The following TENM4 variants were observed in gnomAD, a reference collection of about 807,000 sequenced individuals.
TENM4 encodes teneurin transmembrane protein 4.
A neutral mutation model predicts 243.3 loss-of-function variants in TENM4; 82 were observed. The observed-to-expected ratio is 0.34, with a 90% CI of 0.28 to 0.40. The LOEUF (loss-of-function observed/expected upper bound fraction) is 0.40. Among genes scored for constraint, TENM4 ranks in the 10% least tolerant of loss-of-function variants. The pLI is 1.00. For synonymous variants in TENM4, 1,412 were observed against 1,456.3 expected (o/e 0.97, Z 0.69); for missense variants, 3,138 against 3,673.3 (o/e 0.85, Z 3.77).
chr11:79,309,171 A>G (rs1590869095), intron 1 of TENM4, among the ~76,000 whole-genome samples: 1 of 152,226 alleles, frequency 6.6e-6, no homozygotes, highest in Non-Finnish European at 1.5e-5. Context: ...GTGGAAGTCC[A>G]CATGTTTGGT....
intron 12 of TENM4, among the ~76,000 whole-genome samples, chr11:78,826,076 CTTTTTTTTTTTTTTT>C (rs59565048): frequency 5.2e-5 from 6 of 115,404 alleles, no homozygotes; most frequent in African/African-American, 7.6e-5. Flanking sequence ...AATCCCCCTC[CTTTTTTTTTTTTTTT>C]TTTTTTTTTT....
chr11:78,826,247 C>G (rs150194048), intron 12 of TENM4, among the ~76,000 whole-genome samples: 1,607 of 152,126 alleles, frequency 0.011, 18 homozygotes, highest in African/African-American at 0.034. Flanking sequence ...GCCACCACGC[C>G]TGGCTAATTT....
At chr11:79,057,370 T>C (rs1859969833) in intron 6 of TENM4, among the ~76,000 whole-genome samples, 1 of 152,018 alleles carries the variant, frequency 6.6e-6, no homozygotes, top group Non-Finnish European at 1.5e-5. Flanking sequence ...CTTAAGGCCC[T>C]AGCACCTGCC....
At chr11:79,355,080 A>C (rs1193722861) in intron 1 of TENM4, among the ~76,000 whole-genome samples, 1 of 152,212 alleles carries the variant, frequency 6.6e-6, no homozygotes, top group Non-Finnish European at 1.5e-5. Flanking sequence ...AACCTTTTTA[A>C]CTTTTAGAAT....
At chr11:79,032,751 T>C (rs951779314) in intron 6 of TENM4, among the ~76,000 whole-genome samples, 3 of 152,234 alleles carry the variant, frequency 2.0e-5, no homozygotes, top group South Asian at 2.1e-4. Context: ...AAGAACAACA[T>C]GACTTTAAAA....
At chr11:78,936,370 G>C (rs1439168131) in intron 6 of TENM4, among the ~76,000 whole-genome samples, 1 of 152,150 alleles carries the variant, frequency 6.6e-6, no homozygotes, top group Non-Finnish European at 1.5e-5. Context: ...TGTTTTTATT[G>C]AAAGAAAGGC....
intron 1 of TENM4, among the ~76,000 whole-genome samples, chr11:79,300,049 C>T (rs1856525838): frequency 6.6e-6 from 1 of 152,210 alleles, no homozygotes; most frequent in South Asian, 2.1e-4. Flanking sequence ...GCTTCTCCCA[C>T]CAACCTGAGT....
intron 6 of TENM4, among the ~76,000 whole-genome samples, chr11:78,974,858 T>C (rs1330978214): frequency 6.6e-6 from 1 of 151,900 alleles, no homozygotes; most frequent in East Asian, 2.0e-4. Context: ...CTAATTTTTA[T>C]ATTTTTAGTA....
At chr11:79,386,074 C>T (rs539921668) in intron 1 of TENM4, among the ~76,000 whole-genome samples, 29 of 152,196 alleles carry the variant, frequency 1.9e-4, no homozygotes, top group Non-Finnish European at 3.7e-4. Flanking sequence ...ATAGCCCTGG[C>T]CTGAAACTTT....
chr11:78,658,775 C>G lies in TENM4; in HGVS notation c.7593G>C (p.Lys2531Asn). 1.9e-6 allele frequency: 3 copies of G among 1,613,888 alleles called. No homozygotes were observed. The highest frequency in any genetic ancestry group is 1.7e-6 in the Non-Finnish European group (2 of 1,179,862). ...CAAACCGTTCTAAGGTGACAAAGGC[C>G]TTGAGCTGCTTCTGTACTTCACACT... ...GVQCEVQKQLKAFVTLERFDQ... is the reference protein window; with the variant it reads ...GVQCEVQKQLNAFVTLERFDQ... The change falls in exon 34 of 34, where the codon AAG becomes AAC. Residue 2531 changes from lysine to asparagine, a missense_variant. Lys to Asn is a moderately conservative substitution (Grantham distance 94). Transcript: ENST00000278550.
rs928920799 is a variant in TENM4, at chr11:79,064,885, C to A, written c.346G>T (p.Asp116Tyr). The A allele has an allele frequency of 1.9e-6, 3 of 1,550,100 alleles. No homozygotes were observed. Among genetic ancestry groups the A allele is most frequent in the Middle Eastern group, 3.3e-4 (2 of 5,982 alleles). Reference sequence around the variant, plus strand: ...GACAGCACCGTGTCAGCCTCCATGTCGGCATCAGAGCCAGCCCCCATGGAG... The same window carrying A: ...GACAGCACCGTGTCAGCCTCCATGTAGGCATCAGAGCCAGCCCCCATGGAG... ...GYSMGAGSDA[D>Y]MEADTVLSPE... The change falls in exon 6 of 34, where the codon GAC (aspartate) becomes TAC (tyrosine). Residue 116 changes from aspartate (D) to tyrosine (Y), a missense_variant. Physicochemically the swap from Asp to Tyr is radical, Grantham distance 160. This residue lies in a region of TENM4 where 671 missense variants were observed against 614.1 expected (regional missense o/e 1.09). Coordinates refer to ENST00000278550, the MANE Select transcript of TENM4 (RefSeq NM_001098816.3).
intron 12 of TENM4, among the ~76,000 whole-genome samples, chr11:78,833,233 T>C (rs992415483): frequency 1.3e-5 from 2 of 152,216 alleles, no homozygotes; most frequent in African/African-American, 4.8e-5. Flanking sequence ...TTCACCCACA[T>C]ACCTGAGTGC....
intron 4 of TENM4, among the ~76,000 whole-genome samples, chr11:79,099,322 C>A (rs1861164648): frequency 6.6e-6 from 1 of 152,140 alleles, no homozygotes; most frequent in South Asian, 2.1e-4. Flanking sequence ...ATATAGTCTT[C>A]TGTGGAACAT....
chr11:78,688,118 G>C lies in TENM4; in HGVS notation c.5196C>G (p.Ser1732Arg). 1.2e-6 allele frequency: 2 copies of C among 1,613,954 alleles called. No homozygotes were observed. Among genetic ancestry groups the C allele is most frequent in the Non-Finnish European group, 1.7e-6 (2 of 1,179,882 alleles). Residue 1732 changes from serine (S) to arginine (R), a missense_variant, in exon 29 of 34, where the codon AGC (serine) becomes AGG (arginine). By Grantham distance (110) the Ser-to-Arg change is moderately radical. This residue lies in a region of TENM4 where 2,467 missense variants were observed against 3,059.1 expected (regional missense o/e 0.81). Transcript: ENST00000278550. ...TGGTGGTTATGGTGACATCATCCTT[G>C]CTGGAGGTCTCTACCTGGACATGCA... ...SSVHVQVETS[S>R]KDDVTITTNL...
intron 1 of TENM4, among the ~76,000 whole-genome samples, chr11:79,304,162 C>A (rs1856591315): frequency 6.6e-6 from 1 of 152,132 alleles, no homozygotes; most frequent in Admixed American, 6.5e-5. Context: ...TGGGTCACAA[C>A]CTGCAAGGGA....
chr11:78,670,842 A>G (rs1324842509), intron 31 of TENM4, among the ~76,000 whole-genome samples: 2 of 152,126 alleles, frequency 1.3e-5, no homozygotes, highest in Non-Finnish European at 2.9e-5. Flanking sequence ...TACTCAGGCC[A>G]TTTGCTGTCC....
At chr11:78,949,864 G>C (rs1443574662) in intron 6 of TENM4, among the ~76,000 whole-genome samples, 1 of 152,160 alleles carries the variant, frequency 6.6e-6, no homozygotes, top group Non-Finnish European at 1.5e-5. Flanking sequence ...CTGGGTGCAG[G>C]GGGAGGTGGG....
intron 6 of TENM4, among the ~76,000 whole-genome samples, chr11:78,930,356 T>G (rs892263087): frequency 6.6e-6 from 1 of 152,216 alleles, no homozygotes; most frequent in Admixed American, 6.5e-5. Flanking sequence ...CATTGTCCAC[T>G]GAATATGGTC....
rs921169387 is a variant in TENM4 at position 78,763,302 on chromosome 11, C to A, written c.2540-6281G>T. On this transcript the variant is annotated intron_variant, in intron 18 of 33. Coordinates refer to ENST00000278550, the MANE Select transcript of TENM4 (RefSeq NM_001098816.3). ...GAGGCAGAAGAAAATGTCAAAAAGG[C>A]CAGGCAGGCCCTGGACGCTAGGGAT... Among the ~76,000 whole-genome samples, 3 of 152,202 alleles carry A rather than the reference C, an allele frequency of 2.0e-5. No homozygotes were observed. The South Asian group carries it at 6.2e-4, about 32-fold the overall frequency.
Sources: allele counts gnomAD v4.1 joint callset (sites outside exome capture counted in the v4.1 genomes callset), GRCh38; gene constraint gnomAD v4.1.1; regional missense constraint gnomAD v4.1.1; transcripts MANE v1.5; gene names NCBI Gene and HGNC (gene_info 2026-07-23, HGNC 2026-07-21).